The following CFTR variants were observed in gnomAD, a reference collection of about 807,000 sequenced individuals.
The protein encoded by CFTR is CF transmembrane conductance regulator, also known as cystic fibrosis transmembrane conductance regulator.
A neutral mutation model predicts 171.6 loss-of-function variants in CFTR; 181 were observed. The observed-to-expected ratio is 1.05, with a 90% confidence interval of 0.93 to 1.19. The LOEUF (loss-of-function observed/expected upper bound fraction) is 1.19. CFTR is among the 50% of genes most tolerant of loss of function. The pLI, the probability that CFTR is intolerant of heterozygous loss-of-function variation, is 0.00. For synonymous variants in CFTR, 583 were observed against 608.0 expected (o/e 0.96, Z 0.60); for missense variants, 1,968 against 1,734.7 (o/e 1.13, Z -2.39).
intron 14 of CFTR, 132 bp downstream of exon 14, chr7:117,592,789 G>C: frequency 1.4e-6 from 1 of 708,792 alleles, no homozygotes. Context: ...CAGAAAGTAT[G>C]AAGTTCATTA....
rs1793409011 is a variant in CFTR, at chr7:117,667,727, G to A, written c.*619G>A. ...CATTCAACATCTAGTGAGCAGTCAG[G>A]AAAGAGAACTTCCAGATCCTGGAAA... is the stretch of plus-strand genomic sequence containing the variant. On this transcript the variant is annotated 3_prime_UTR_variant, in exon 27 of 27. Transcript: ENST00000003084. The A allele has an allele frequency of 6.1e-6, 1 of 165,174 alleles. No individual in the cohort carries two copies. Among genetic ancestry groups the A allele is most frequent in the South Asian group, 1.5e-4 (1 of 6,474 alleles). The allele number at this position is 165,174 out of a possible 1,614,324, so 10.2% of individuals were successfully genotyped here.
intron 2 of CFTR, among the ~76,000 whole-genome samples, chr7:117,507,182 T>G (rs1798433197): frequency 6.6e-6 from 1 of 152,218 alleles, no homozygotes; most frequent in Admixed American, 6.5e-5. Context: ...CATCACCTAC[T>G]CTTGGTGCTA....
At chr7:117,577,667 C>T (rs2518873) in intron 11 of CFTR, among the ~76,000 whole-genome samples, 82,886 of 151,796 alleles carry the variant, frequency 0.55, 25,285 homozygotes, top group African/African-American at 0.83. Context: ...CTAACAAGAA[C>T]TTACCACAGC....
Position 117,486,896 on chromosome 7 carries a change from GGA to G in CFTR, c.53+6770_53+6771del, listed in dbSNP as rs138257490. ...GGGTGGGGTGGGGGGGAGGGGGCGG[GGA>G]GAGAGAGAGAGAGAGAGAGATTTGA... is the stretch of plus-strand genomic sequence containing the variant. On this transcript the variant is annotated intron_variant, in intron 1 of 26. Coordinates refer to ENST00000003084, the MANE Select transcript of CFTR (RefSeq NM_000492.4). Among the ~76,000 whole-genome samples, 253 of 113,448 alleles carry G rather than the reference GGA, an allele frequency of 2.2e-3. 3 individuals are homozygous for G. Among genetic ancestry groups the G allele is most frequent in the Middle Eastern group, 4.8e-3 (1 of 210 alleles). 74.4% of individuals were successfully genotyped at this position (113,448 alleles called of 152,430 possible).
intron 3 of CFTR, among the ~76,000 whole-genome samples, chr7:117,522,572 A>C (rs1462340204): frequency 3.9e-5 from 6 of 152,242 alleles, no homozygotes; most frequent in Non-Finnish European, 8.8e-5. Context: ...ATACAGAGTA[A>C]TAAACTATTT....
chr7:117,578,335 C>A (rs1791801409), intron 11 of CFTR, among the ~76,000 whole-genome samples: 1 of 152,032 alleles, frequency 6.6e-6, no homozygotes, highest in Non-Finnish European at 1.5e-5. Flanking sequence ...ACATACATTT[C>A]TTTTTCCCCA....
chr7:117,557,411 T>G (rs1276996806), intron 10 of CFTR, among the ~76,000 whole-genome samples: 1 of 152,126 alleles, frequency 6.6e-6, no homozygotes, highest in African/African-American at 2.4e-5. Context: ...ATGTACATCA[T>G]TATTCATGAT....
At chr7:117,598,995 G>A (rs1792179966) in intron 15 of CFTR, among the ~76,000 whole-genome samples, 1 of 151,880 alleles carries the variant, frequency 6.6e-6, no homozygotes, top group Non-Finnish European at 1.5e-5. Context: ...GATAGTATGA[G>A]GTGAACAAGT....
intron 11 of CFTR, chr7:117,564,902 A>G (rs1427908412): frequency 2.0e-5 from 3 of 152,866 alleles, no homozygotes; most frequent in Non-Finnish European, 4.4e-5. Context: ...TAAAGACGTT[A>G]TCACAGGGAA....
At chr7:117,508,944 C>A in intron 2 of CFTR, 90 bp from the exon 3 acceptor site, 1 of 846,140 alleles carries the variant, frequency 1.2e-6, no homozygotes, top group Non-Finnish European at 2.0e-6. Flanking sequence ...CTTGGATATA[C>A]TTGTGTGAAT....
chr7:117,635,077 A>G (rs1792804881), intron 22 of CFTR, among the ~76,000 whole-genome samples: 1 of 152,142 alleles, frequency 6.6e-6, no homozygotes, highest in Non-Finnish European at 1.5e-5. Flanking sequence ...AGTAGTGAAT[A>G]TTCTATTTCT....
chr7:117,491,065 C>T (rs189112531), intron 1 of CFTR, among the ~76,000 whole-genome samples: 13 of 152,154 alleles, frequency 8.5e-5, no homozygotes, highest in Non-Finnish European at 1.3e-4. Flanking sequence ...GCCTAGATGT[C>T]GTATAGCCTA....
chr7:117,560,507 G>A (rs1161798924), intron 11 of CFTR, among the ~76,000 whole-genome samples: 1 of 152,062 alleles, frequency 6.6e-6, no homozygotes, highest in African/African-American at 2.4e-5. Flanking sequence ...TGCAGAGAAA[G>A]TAAAATGTAG....
At chr7:117,624,091 T>C (rs1792617970) in intron 21 of CFTR, among the ~76,000 whole-genome samples, 1 of 152,170 alleles carries the variant, frequency 6.6e-6, no homozygotes, top group Non-Finnish European at 1.5e-5. Flanking sequence ...GACTATGAAA[T>C]TAAGTGTACA....
chr7:117,611,767 T>C lies in CFTR; in HGVS notation c.3326T>C (p.Ile1109Thr). The C allele has an allele frequency of 6.2e-7, 1 of 1,613,342 alleles. No homozygotes were observed. The highest frequency in any genetic ancestry group is 8.5e-7 in the Non-Finnish European group (1 of 1,179,616). ...ATGAGAATAGAAATGATTTTTGTCA[T>C]CTTCTTCATTGCTGTTACCTTCATT... ...FQMRIEMIFV[I>T]FFIAVTFISI... Residue 1109 changes from isoleucine to threonine, a missense_variant, in exon 20 of 27, where the codon ATC (isoleucine) becomes ACC (threonine). By Grantham distance (89) the Ile-to-Thr change is moderately conservative (BLOSUM62 -1). Transcript: ENST00000003084.
intron 23 of CFTR, among the ~76,000 whole-genome samples, chr7:117,652,557 T>A (rs1461608344): frequency 1.3e-5 from 2 of 152,108 alleles, no homozygotes; most frequent in Admixed American, 1.3e-4. Context: ...TTTTTTAATA[T>A]TCTACAATTA....
chr7:117,492,001 C>G (rs1798166794), intron 1 of CFTR, among the ~76,000 whole-genome samples: 2 of 151,908 alleles, frequency 1.3e-5, no homozygotes, highest in African/African-American at 2.4e-5. Flanking sequence ...GGAGACATTG[C>G]AGAGGATGTT....
At chr7:117,554,920 A>G (rs1291784019) in intron 10 of CFTR, among the ~76,000 whole-genome samples, 1 of 152,342 alleles carries the variant, frequency 6.6e-6, no homozygotes, top group East Asian at 1.9e-4. Flanking sequence ...AGAGGAAAGA[A>G]AAGACCAAAT....
At chr7:117,520,000 G>A (rs1287553848) in intron 3 of CFTR, among the ~76,000 whole-genome samples, 5 of 151,858 alleles carry the variant, frequency 3.3e-5, no homozygotes, top group Non-Finnish European at 7.4e-5. Context: ...TGAAAATTCA[G>A]TCCTAACAAT....
Sources: gnomAD v4.1 joint callset for allele counts (sites outside exome capture counted in the v4.1 genomes callset) on GRCh38, gnomAD v4.1.1 for gene constraint, MANE v1.5 for transcripts, NCBI Gene and HGNC (gene_info 2026-07-23, HGNC 2026-07-21) for gene names.